Variants in SIRPA observed in about 807,000 individuals in gnomAD.
SIRPA encodes signal regulatory protein alpha, also known as tyrosine-protein phosphatase non-receptor type substrate 1.
Under a neutral mutation model 50.3 loss-of-function variants are expected in SIRPA, and 9 were observed. The observed-to-expected ratio is 0.18, with a 90% CI of 0.11 to 0.31. The LOEUF (loss-of-function observed/expected upper bound fraction) is 0.31. Ranked by LOEUF, SIRPA falls within the 10% of genes least tolerant of loss-of-function variation. SIRPA has a pLI of 1.00. For missense variants in SIRPA, 474 were observed against 661.6 expected, an observed-to-expected ratio of 0.72 and a Z score of 3.11; for synonymous variants, 265 against 284.1, an observed-to-expected ratio of 0.93 and a Z score of 0.68.
At chr20:1,921,245 A>G (rs1298359724) in intron 2 of SIRPA, 150 bp from the exon 3 acceptor site, 2 of 1,416,404 alleles carry the variant, frequency 1.4e-6, no homozygotes, top group East Asian at 4.9e-5. Flanking sequence ...GCTCTGTAAA[A>G]TGACAATAAG....
At chr20:1,903,210 C>T (rs1373036990) in intron 1 of SIRPA, among the ~76,000 whole-genome samples, 3 of 151,984 alleles carry the variant, frequency 2.0e-5, no homozygotes, top group Non-Finnish European at 1.5e-5. Flanking sequence ...GAGCAGAGGT[C>T]AGGGCCAGAC....
At chr20:1,895,675 C>CCCTCT (rs1983758437) in intron 1 of SIRPA, 149 bp downstream of exon 1, 1 of 574,688 alleles carries the variant, frequency 1.7e-6, no homozygotes, top group African/African-American at 2.0e-5. Context: ...AAACTGAGGC[C>CCCTCT]CAGAGAGGGC....
intron 4 of SIRPA, among the ~76,000 whole-genome samples, chr20:1,923,270 C>G (rs546522547): frequency 1.3e-5 from 2 of 152,210 alleles, no homozygotes; most frequent in African/African-American, 4.8e-5. Flanking sequence ...GCCCTTGCAA[C>G]GTGGTGTTGG....
Position 1,915,280 on chromosome 20 carries a change from C to T in SIRPA, c.261C>T (p.Phe87=), listed in dbSNP as rs1568501813. 1 of 1,613,318 alleles carries T rather than the reference C, an allele frequency of 6.2e-7. No individual in the cohort carries two copies. The highest frequency in any genetic ancestry group is 8.5e-7 in the Non-Finnish European group (1 of 1,179,724). ...ELIYNQKEGH[F]PRVTTVSDLT... ...TCTACAATCAAAAAGAAGGCCACTT[C>T]CCCCGGGTAACAACTGTTTCAGACC... The change falls in exon 2 of 8, where the codon TTC becomes TTT. Residue 87 remains phenylalanine, a synonymous_variant. Transcript: ENST00000358771.
At chr20:1,908,784 A>G (rs550607504) in intron 1 of SIRPA, among the ~76,000 whole-genome samples, 21 of 152,258 alleles carry the variant, frequency 1.4e-4, no homozygotes, top group Non-Finnish European at 2.1e-4. Context: ...CACGTGTTCT[A>G]TTGCACAGCC....
rs1248959281 is a variant in SIRPA, at chr20:1,934,800, G to A, written c.1266+46G>A. 6.2e-7 allele frequency: 1 copy of A among 1,608,954 alleles called. No individual in the cohort carries two copies. The highest frequency in any genetic ancestry group is 1.1e-5 in the South Asian group (1 of 90,720). On this transcript the variant is annotated intron_variant, in intron 7 of 7. Transcript: ENST00000358771. The surrounding 1 kb of genome is among the most constrained non-coding windows in gnomAD (Gnocchi z 4.6). The stretch of plus-strand genomic sequence containing the variant: ...CCCTTCCTGGGAAACTCCGTGGCGT[G>A]GTTGCTTCACATCAACCGGAATTGC...
At chr20:1,900,186 C>T (rs563004818) in intron 1 of SIRPA, among the ~76,000 whole-genome samples, 1 of 151,238 alleles carries the variant, frequency 6.6e-6, no homozygotes, top group Non-Finnish European at 1.5e-5. Context: ...ACGCAACCTC[C>T]GCCTCCTGGG....
chr20:1,904,192 T>C lies in SIRPA; in HGVS notation c.79+8666T>C, dbSNP rs1375746536. 2.0e-5 allele frequency among the ~76,000 whole-genome samples: 3 copies of C among 151,946 alleles called. No individual in the cohort carries two copies. The East Asian group carries it at 5.8e-4, about 29-fold the overall frequency. On this transcript the variant is annotated intron_variant, in intron 1 of 7. Transcript: ENST00000358771. ...AGCTGTCATGAATAGCCCTAAGATA[T>C]CAGGAAGCACAAAGATATCAATGCC...
chr20:1,933,736 A>T lies in SIRPA; in HGVS notation c.1227-979A>T, dbSNP rs901394105. Among the ~76,000 whole-genome samples, 4 of 152,262 alleles carry T rather than the reference A, an allele frequency of 2.6e-5. No homozygotes were observed. The South Asian group carries it at 8.3e-4, about 32-fold the overall frequency. On this transcript the variant is annotated intron_variant, in intron 6 of 7. Coordinates refer to ENST00000358771, the MANE Select transcript of SIRPA (RefSeq NM_001040023.2). This position sits in a 1 kb window ranked among gnomAD's most constrained non-coding sequence, Gnocchi z 4.4. ...TGCCAAGCCCCACTGCTCATTTCTG[A>T]CATTATCCATGCTAACATCCCCGGG...
intron 7 of SIRPA, among the ~76,000 whole-genome samples, chr20:1,935,676 A>G (rs1986537900): frequency 6.6e-6 from 1 of 152,236 alleles, no homozygotes; most frequent in Non-Finnish European, 1.5e-5. Flanking sequence ...TTCTGGGGGA[A>G]AAAAATGATG....
At chr20:1,929,213 A>G (rs1986161632) in intron 6 of SIRPA, among the ~76,000 whole-genome samples, 1 of 152,078 alleles carries the variant, frequency 6.6e-6, no homozygotes, top group African/African-American at 2.4e-5. Context: ...TTTTGTTTTA[A>G]AAGTGTCGCC....
In SIRPA at chr20:1,917,623, G is replaced by T. The variant is rs144446214; in HGVS notation, c.436+2168G>T. The stretch of plus-strand genomic sequence containing the variant: ...GTCCTGCAGATGTCTCATGATATGG[G>T]AACTTGTTCCTAAAGGACAGGTCTC... On this transcript the variant is annotated intron_variant, in intron 2 of 7. Transcript: ENST00000358771. Among the ~76,000 whole-genome samples, 8 of 152,266 alleles carry T rather than the reference G, an allele frequency of 5.3e-5. No individual in the cohort carries two copies. The East Asian group carries it at 1.5e-3, about 29-fold the overall frequency.
chr20:1,912,317 A>C (rs1444936603), intron 1 of SIRPA, among the ~76,000 whole-genome samples: 4 of 152,180 alleles, frequency 2.6e-5, no homozygotes, highest in Non-Finnish European at 4.4e-5. Flanking sequence ...TGTTATTGAT[A>C]AGGATAATAA....
intron 1 of SIRPA, among the ~76,000 whole-genome samples, chr20:1,914,721 C>G (rs111780425): frequency 0.41 from 61,285 of 151,162 alleles, 12,667 homozygotes; most frequent in East Asian, 0.66. Flanking sequence ...ACACCTTGTA[C>G]AGCCCCAGAT....
chr20:1,913,232 C>T (rs150213851), intron 1 of SIRPA, among the ~76,000 whole-genome samples: 1,543 of 152,324 alleles, frequency 0.01, 28 homozygotes, highest in African/African-American at 0.034. Flanking sequence ...ACTCCACTCA[C>T]CTGCCATGAG....
intron 1 of SIRPA, among the ~76,000 whole-genome samples, chr20:1,907,483 C>T (rs889058430): frequency 1.3e-5 from 2 of 152,234 alleles, no homozygotes; most frequent in African/African-American, 4.8e-5. Flanking sequence ...ACCCTGAGTC[C>T]TGTCACCTCT....
chr20:1,933,488 C>T lies in SIRPA; in HGVS notation c.1227-1227C>T, dbSNP rs1323795702. ...AGCCTGGAGGCAGCACGTCAGACCA[C>T]GTGGGACTCTGAGCAGGGCGATGAG... On this transcript the variant is annotated intron_variant, in intron 6 of 7. Transcript: ENST00000358771. This position sits in a 1 kb window ranked among gnomAD's most constrained non-coding sequence, Gnocchi z 4.4. Among the ~76,000 whole-genome samples the T allele has an allele frequency of 6.6e-6, 1 of 151,868 alleles. No individual in the cohort carries two copies. The highest frequency in any genetic ancestry group is 2.4e-5 in the African/African-American group (1 of 41,288).
chr20:1,900,802 A>G (rs1984145690), intron 1 of SIRPA, among the ~76,000 whole-genome samples: 1 of 152,238 alleles, frequency 6.6e-6, no homozygotes, highest in African/African-American at 2.4e-5. Context: ...CACTAAAGTA[A>G]TACTAATAGG....
chr20:1,925,218 G>A (rs1039338192), intron 5 of SIRPA, among the ~76,000 whole-genome samples: 2 of 152,298 alleles, frequency 1.3e-5, no homozygotes, highest in Non-Finnish European at 2.9e-5. Context: ...GGAGCCTCCC[G>A]GCAGACTTCT....
Sources: allele counts gnomAD v4.1 joint callset (sites outside exome capture counted in the v4.1 genomes callset), GRCh38; gene constraint gnomAD v4.1.1; non-coding constraint Gnocchi (gnomAD v3.1); transcripts MANE v1.5; gene names NCBI Gene and HGNC (gene_info 2026-07-23, HGNC 2026-07-21).